CERS3: variants seen among roughly 807,000 people sequenced by gnomAD.
CERS3 encodes LAG1 homolog, ceramide synthase 3.
In CERS3, 33 loss-of-function variants were observed where a neutral mutation model predicts 50.3. The ratio of observed to expected loss-of-function variants is 0.66; its 90% CI spans 0.50 to 0.88. The LOEUF (loss-of-function observed/expected upper bound fraction) is 0.88. CERS3 is among the 40% of genes least tolerant of loss of function. The pLI is 0.00. For synonymous variants in CERS3, 176 were observed against 155.2 expected (o/e 1.13, Z -0.99); for missense variants, 470 against 460.3 (o/e 1.02, Z -0.19).
At chr15:100,532,906 A>C (rs1359825905), upstream of CERS3, among the ~76,000 whole-genome samples, 1 of 152,198 alleles carries the variant, frequency 6.6e-6, no homozygotes, top group African/African-American at 2.4e-5. Context: ...TACCCCGCTC[A>C]AATGTGAAGC....
intron 5 of CERS3, among the ~76,000 whole-genome samples, chr15:100,483,384 G>A (rs1183704759): frequency 6.6e-6 from 1 of 152,072 alleles, no homozygotes; most frequent in African/African-American, 2.4e-5. Flanking sequence ...AATCTAGAAC[G>A]CCACAAAATC....
chr15:100,479,610 C>A (rs781004089), intron 6 of CERS3, 132 bp from the exon 7 acceptor site: 26 of 661,302 alleles, frequency 3.9e-5, no homozygotes, highest in East Asian at 8.1e-5. Context: ...GGAAATTGAC[C>A]TTTGCCATAT....
chr15:100,466,739 TC>T lies in CERS3; in HGVS notation c.845+2638del, dbSNP rs1300020240. 3.6e-3 allele frequency among the ~76,000 whole-genome samples: 96 copies of T among 26,382 alleles called. 1 individual carries two copies. The highest frequency in any genetic ancestry group is 9.6e-3 in the African/African-American group (87 of 9,054). The allele number at this position is 26,382 out of a possible 152,430, so 17.3% of individuals were successfully genotyped here. ...GATTTTCTTATCTTCTTTCCTTCTTTCCTTCCTTCCTTCCTTCCTTCCTTCC... is the reference window on the plus strand; with the variant it reads ...GATTTTCTTATCTTCTTTCCTTCTTTCTTCCTTCCTTCCTTCCTTCCTTCC... On this transcript the variant is annotated intron_variant, in intron 10 of 11. Transcript: ENST00000679737.
intron 1 of CERS3, among the ~76,000 whole-genome samples, chr15:100,538,837 C>T (rs1312490336): frequency 1.3e-5 from 2 of 152,178 alleles, no homozygotes; most frequent in African/African-American, 4.8e-5. Context: ...TTTTTCTTTT[C>T]CATTGAATCA....
chr15:100,498,642 G>A (rs1910410), intron 3 of CERS3, among the ~76,000 whole-genome samples: 117,071 of 152,044 alleles, frequency 0.77, 47,274 homozygotes, highest in East Asian at 0.93. Context: ...ACACCCAGAC[G>A]GCCCCCCCTT....
At chr15:100,462,342 T>A (rs1471934517) in intron 10 of CERS3, among the ~76,000 whole-genome samples, 1 of 152,228 alleles carries the variant, frequency 6.6e-6, no homozygotes, top group African/African-American at 2.4e-5. Context: ...GTATAAATAT[T>A]AGCTGGTTTT....
In CERS3 at chr15:100,423,121, G is replaced by T. The variant is rs561036216; in HGVS notation, c.1000-20256C>A. ...ATGTTAAAAAAAAAAGAAAATAACAGATTTTGGCAATGTGATGGAGAAAAA... is the reference window on the plus strand; with the variant it reads ...ATGTTAAAAAAAAAAGAAAATAACATATTTTGGCAATGTGATGGAGAAAAA... On this transcript the variant is annotated intron_variant, in intron 11 of 11. Transcript: ENST00000679737. Among the ~76,000 whole-genome samples, 7 of 140,612 alleles carry T rather than the reference G, an allele frequency of 5.0e-5. No homozygotes were observed. In the South Asian group the frequency reaches 1.6e-3, roughly 32 times the overall value. 92.2% of individuals were successfully genotyped at this position (140,612 alleles called of 152,430 possible). A position where few individuals can be genotyped will look rare whatever the true frequency, so the allele number is the denominator to read the frequency against.
At chr15:100,536,812 A>C (rs1466639424) in intron 1 of CERS3, among the ~76,000 whole-genome samples, 1 of 152,196 alleles carries the variant, frequency 6.6e-6, no homozygotes, top group East Asian at 1.9e-4. Context: ...TATGAGTTGC[A>C]CCACCACTAA....
At chr15:100,443,183 C>G (rs7403197) in intron 11 of CERS3, among the ~76,000 whole-genome samples, 1 of 145,084 alleles carries the variant, frequency 6.9e-6, no homozygotes, top group African/African-American at 2.5e-5. Context: ...CCTTAACCCA[C>G]AAGTATAAGA....
chr15:100,497,284 C>T (rs574692027), intron 3 of CERS3, among the ~76,000 whole-genome samples: 17 of 150,410 alleles, frequency 1.1e-4, no homozygotes, highest in African/African-American at 3.9e-4. Flanking sequence ...GAGACACACA[C>T]AGAGAGAGAG....
intron 11 of CERS3, among the ~76,000 whole-genome samples, chr15:100,454,824 A>G (rs1419783423): frequency 6.6e-6 from 1 of 152,204 alleles, no homozygotes; most frequent in Non-Finnish European, 1.5e-5. Flanking sequence ...TCATCTGATA[A>G]TGGACTAATA....
At chr15:100,421,093 C>T (rs1350499706) in intron 11 of CERS3, among the ~76,000 whole-genome samples, 3 of 150,326 alleles carry the variant, frequency 2.0e-5, no homozygotes, top group African/African-American at 7.4e-5. Flanking sequence ...GGCAATTAGG[C>T]AGGAGAAGGA....
At chr15:100,446,705 T>C (rs2033957616) in intron 11 of CERS3, among the ~76,000 whole-genome samples, 1 of 152,188 alleles carries the variant, frequency 6.6e-6, no homozygotes, top group African/African-American at 2.4e-5. Context: ...AGATCCTTAA[T>C]GAAAACTCCC....
rs750852537 is a variant in CERS3, at chr15:100,469,452, C to T, written c.771G>A (p.Thr257=). ...TGAAAAACAGGGTGTTACAGGTCTG[C>T]GTCCATCCAGCATAAGAAAACATCT... ...SAKMFSYAGW[T]QTCNTLFFIF... The change falls in exon 10 of 12, where the codon ACG becomes ACA. Residue 257 remains threonine, a synonymous_variant. Transcript: ENST00000679737. The T allele has an allele frequency of 6.2e-6, 10 of 1,613,810 alleles. No individual in the cohort carries two copies. The East Asian group carries it at 8.9e-5, about 14-fold the overall frequency.
intron 9 of CERS3, 66 bp from the exon 10 acceptor site, chr15:100,469,550 A>G: frequency 8.7e-7 from 1 of 1,155,154 alleles, no homozygotes; most frequent in South Asian, 1.3e-5. Flanking sequence ...TAAATTTATA[A>G]ATGAAATGAT....
chr15:100,479,562 C>T (rs559151386), intron 6 of CERS3, 84 bp from the exon 7 acceptor site: 5 of 995,544 alleles, frequency 5.0e-6, no homozygotes, highest in Admixed American at 2.2e-5. Flanking sequence ...AAAACCTAAG[C>T]TCTTCCTTAT....
At chr15:100,407,238 G>A (rs370222154) in intron 11 of CERS3, among the ~76,000 whole-genome samples, 4 of 152,192 alleles carry the variant, frequency 2.6e-5, no homozygotes, top group Non-Finnish European at 5.9e-5. Flanking sequence ...TTAAAGAGCT[G>A]TGTTAGCTAA....
In CERS3 at chr15:100,521,728, T is replaced by TATATAA. The variant is rs894137401; in HGVS notation, c.-64_-63insTTATAT. On this transcript the variant is annotated 5_prime_UTR_variant, in exon 2 of 12. Coordinates refer to ENST00000679737, the MANE Select transcript of CERS3 (RefSeq NM_001378789.1). ...AATACTGTATATATGTATATATATA[T>TATATAA]AAATGTCAGCTTTTGTTTCACAACA... is the stretch of plus-strand genomic sequence containing the variant. 1 of 152,126 alleles carries TATATAA rather than the reference T, an allele frequency of 6.6e-6. No homozygotes were observed. Among genetic ancestry groups the TATATAA allele is most frequent in the African/African-American group, 2.4e-5 (1 of 41,406 alleles). 9.4% of individuals were successfully genotyped at this position (152,126 alleles called of 1,614,324 possible). A position where few individuals can be genotyped will look rare whatever the true frequency, so the allele number is the denominator to read the frequency against.
intron 11 of CERS3, among the ~76,000 whole-genome samples, chr15:100,441,126 C>G (rs1484031840): frequency 6.6e-6 from 1 of 152,138 alleles, no homozygotes; most frequent in Non-Finnish European, 1.5e-5. Flanking sequence ...GCCCTGATCC[C>G]TTATTTCCAC....
Sources: gnomAD v4.1 joint callset for allele counts (sites outside exome capture counted in the v4.1 genomes callset) on GRCh38, gnomAD v4.1.1 for gene constraint, MANE v1.5 for transcripts, NCBI Gene and HGNC (gene_info 2026-07-23, HGNC 2026-07-21) for gene names.